The following CFAP221 variants were observed in gnomAD, a reference collection of about 807,000 sequenced individuals.
The protein encoded by CFAP221 is cilia and flagella associated protein 221, also known as cilia- and flagella-associated protein 221.
Under a neutral mutation model 113.1 loss-of-function variants are expected in CFAP221, and 97 were observed. The ratio of observed to expected loss-of-function variants is 0.86; its 90% CI spans 0.73 to 1.02. The LOEUF (loss-of-function observed/expected upper bound fraction) is 1.02, where lower values mean the gene tolerates loss of function less well. Ranked by LOEUF, CFAP221 falls within the 50% of genes least tolerant of loss-of-function variation. The pLI is 0.00. For missense variants in CFAP221, 1,025 were observed against 1,013.4 expected, an observed-to-expected ratio of 1.01 and a Z score of -0.16; for synonymous variants, 331 against 354.4, an observed-to-expected ratio of 0.93 and a Z score of 0.74.
Position 119,656,408 on chromosome 2 carries a change from C to G in CFAP221, c.2461C>G (p.Leu821Val), listed in dbSNP as rs116625089. Residue 821 changes from leucine (L) to valine (V), a missense_variant, in exon 24 of 24, where the codon CTG becomes GTG. Physicochemically the swap from Leu to Val is conservative, Grantham distance 32. Coordinates refer to ENST00000413369, the MANE Select transcript of CFAP221 (RefSeq NM_001271049.2). ...AQPAEKAGEK[L>V]LEEMRNLRGK... ...ACCAGCAGAGAAGGCCGGAGAGAAG[C>G]TGCTCGAGGAGATGAGGAACCTGCG... 0.016 allele frequency: 25,549 copies of G among 1,613,850 alleles called. 282 individuals carry two copies. The highest frequency in any genetic ancestry group is 0.018 in the Non-Finnish European group (21,303 of 1,179,804).
chr2:119,595,904 C>T (rs1683932590), intron 7 of CFAP221, among the ~76,000 whole-genome samples: 1 of 151,866 alleles, frequency 6.6e-6, no homozygotes, highest in Admixed American at 6.6e-5. Context: ...GGAAGCAACC[C>T]ACACAGGGCT....
At chr2:119,564,777 A>G (rs1489158930) in intron 6 of CFAP221, among the ~76,000 whole-genome samples, 1 of 152,144 alleles carries the variant, frequency 6.6e-6, no homozygotes, top group Non-Finnish European at 1.5e-5. Context: ...CTGCTGATGG[A>G]CCGATGGGTA....
chr2:119,594,393 G>A (rs1041090079), intron 7 of CFAP221, among the ~76,000 whole-genome samples: 10 of 151,708 alleles, frequency 6.6e-5, no homozygotes, highest in Admixed American at 3.3e-4. Context: ...GCACCAACAC[G>A]CCCGGCTAAT....
chr2:119,581,228 A>T (rs889241832), intron 6 of CFAP221, among the ~76,000 whole-genome samples: 18 of 152,354 alleles, frequency 1.2e-4, no homozygotes, highest in Admixed American at 5.2e-4. Flanking sequence ...ATATAATTGA[A>T]TGAAATTAAT....
At chr2:119,565,361 A>G (rs922220190) in intron 6 of CFAP221, among the ~76,000 whole-genome samples, 1 of 151,916 alleles carries the variant, frequency 6.6e-6, no homozygotes, top group Non-Finnish European at 1.5e-5. Flanking sequence ...AAAACAACTA[A>G]CTCCCTAGTT....
At chr2:119,630,929 T>A (rs1686733829) in intron 19 of CFAP221, 28 bp downstream of exon 19, 2 of 1,607,056 alleles carry the variant, frequency 1.2e-6, no homozygotes, top group Admixed American at 1.7e-5. Flanking sequence ...GAAGCCTTGT[T>A]TTCTGTGTTC....
At chr2:119,613,197 C>G (rs1019577833) in intron 13 of CFAP221, among the ~76,000 whole-genome samples, 1 of 152,216 alleles carries the variant, frequency 6.6e-6, no homozygotes. Context: ...CAGCCTCCCT[C>G]CCAGCTGCTT....
At position 119,611,724 on chromosome 2, in the gene CFAP221, T is replaced by C. The variant is rs10864986; in HGVS notation, c.1293T>C (p.Val431=). The C allele has an allele frequency of 1, 1,608,893 of 1,613,620 alleles. 802,189 individuals carry two copies. The highest frequency in any genetic ancestry group is 1 in the South Asian group (90,979 of 90,996). ...AAACAGAAGTTAGCCATAAACGGGT[T>C]GTTCGCAATCAAGAAGAGGTGGGTA... The part of the protein sequence containing the change: ...RLKTEVSHKR[V]VRNQEEKIKE... The change falls in exon 13 of 24, where the codon GTT becomes GTC. Residue 431 remains valine, a synonymous_variant. Transcript: ENST00000413369.
chr2:119,604,743 A>G lies in CFAP221; in HGVS notation c.863A>G (p.His288Arg). Residue 288 changes from histidine (H) to arginine (R), a missense_variant, in exon 9 of 24, where the codon CAT becomes CGT. Coordinates refer to ENST00000413369, the MANE Select transcript of CFAP221 (RefSeq NM_001271049.2). ...VNVPPEKAMMHINFHRPPAKP... is the reference protein window; with the variant it reads ...VNVPPEKAMMRINFHRPPAKP... ...GTTCCTCCAGAAAAAGCAATGATGCATATAAATTTTCACCGACCGCCAGCG... is the reference window on the plus strand; with the variant it reads ...GTTCCTCCAGAAAAAGCAATGATGCGTATAAATTTTCACCGACCGCCAGCG... 4 of 1,550,734 alleles carry G rather than the reference A, an allele frequency of 2.6e-6. No homozygotes were observed. Among genetic ancestry groups the G allele is most frequent in the Admixed American group, 2.2e-5 (1 of 45,112 alleles).
chr2:119,628,291 G>GCTCT (rs1558976717), intron 16 of CFAP221, among the ~76,000 whole-genome samples: 2 of 13,638 alleles, frequency 1.5e-4, no homozygotes, highest in African/African-American at 2.4e-4. Context: ...TCTCTCTCTG[G>GCTCT]GGGGTGTGTG....
chr2:119,644,076 C>T (rs1220794811), intron 21 of CFAP221, among the ~76,000 whole-genome samples: 1 of 151,972 alleles, frequency 6.6e-6, no homozygotes, highest in Non-Finnish European at 1.5e-5. Flanking sequence ...TCGCTTCAAC[C>T]CGGGAGGCAG....
chr2:119,592,879 G>C (rs559502784), intron 7 of CFAP221, among the ~76,000 whole-genome samples: 32 of 152,328 alleles, frequency 2.1e-4, no homozygotes, highest in African/African-American at 7.2e-4. Context: ...GGTGAATTCT[G>C]GATGCCCTCA....
At chr2:119,559,095 C>T (rs1433655086) in intron 3 of CFAP221, among the ~76,000 whole-genome samples, 1 of 152,190 alleles carries the variant, frequency 6.6e-6, no homozygotes, top group Non-Finnish European at 1.5e-5. Flanking sequence ...GGAAAAACAC[C>T]TTTCCTCAGA....
intron 7 of CFAP221, among the ~76,000 whole-genome samples, chr2:119,597,833 T>C (rs1684099427): frequency 6.6e-6 from 1 of 152,204 alleles, no homozygotes; most frequent in Admixed American, 6.5e-5. Context: ...GTTACAAACT[T>C]AGACTCCTAT....
At chr2:119,585,374 A>G (rs1446449721) in intron 6 of CFAP221, among the ~76,000 whole-genome samples, 2 of 152,222 alleles carry the variant, frequency 1.3e-5, no homozygotes. Context: ...GAGACATGCC[A>G]TGTTCATAGT....
intron 13 of CFAP221, among the ~76,000 whole-genome samples, chr2:119,615,317 G>T (rs946455195): frequency 2.0e-5 from 3 of 152,252 alleles, no homozygotes; most frequent in Non-Finnish European, 4.4e-5. Flanking sequence ...ACCACCACAT[G>T]GGATTGGTGA....
At position 119,608,534 on chromosome 2, in the gene CFAP221, T is replaced by C. The variant is rs902218062; in HGVS notation, c.1166T>C (p.Phe389Ser). Residue 389 changes from phenylalanine (F) to serine (S), a missense_variant, in exon 12 of 24, where the codon TTT becomes TCT. Physicochemically the swap from Phe to Ser is radical, Grantham distance 155. Coordinates refer to ENST00000413369, the MANE Select transcript of CFAP221 (RefSeq NM_001271049.2). The part of the protein sequence containing the change: ...QVHLGKDPMS[F>S]KLKKELTEEW... ...CACCTTGGTAAAGATCCTATGTCTT[T>C]TAAACTTAAAAAAGAGCTTACTGAA... The C allele has an allele frequency of 6.2e-7, 1 of 1,613,862 alleles. No individual in the cohort carries two copies. Among genetic ancestry groups the C allele is most frequent in the Non-Finnish European group, 8.5e-7 (1 of 1,179,888 alleles).
intron 6 of CFAP221, among the ~76,000 whole-genome samples, chr2:119,585,800 G>T (rs1001925501): frequency 1.7e-4 from 26 of 152,312 alleles, no homozygotes; most frequent in Admixed American, 6.5e-4. Flanking sequence ...GACACTCTGG[G>T]ATACACTGGA....
intron 19 of CFAP221, 112 bp from the exon 20 acceptor site, chr2:119,638,147 C>A: frequency 8.9e-7 from 1 of 1,124,594 alleles, no homozygotes; most frequent in Non-Finnish European, 1.3e-6. Context: ...GACATGGAGT[C>A]ACAGAGTGTT....
Sources: gnomAD v4.1 joint callset for allele counts (sites outside exome capture counted in the v4.1 genomes callset) on GRCh38, gnomAD v4.1.1 for gene constraint, MANE v1.5 for transcripts, NCBI Gene and HGNC (gene_info 2026-07-23, HGNC 2026-07-21) for gene names.